The following SLC35F4 variants were observed in gnomAD, a reference collection of about 807,000 sequenced individuals.
The protein encoded by SLC35F4 is chromosome 14 open reading frame 36.
A neutral mutation model predicts 44.2 loss-of-function variants in SLC35F4; 24 were observed. The ratio of observed to expected loss-of-function variants is 0.54; its 90% confidence interval spans 0.39 to 0.76. The LOEUF (loss-of-function observed/expected upper bound fraction) is 0.76, where lower values mean the gene tolerates loss of function less well. SLC35F4 is among the 30% of genes least tolerant of loss of function. The pLI, the probability that SLC35F4 is intolerant of heterozygous loss-of-function variation, is 0.00. For synonymous variants in SLC35F4, 238 were observed against 223.6 expected, an observed-to-expected ratio of 1.06 and a Z score of -0.57; for missense variants, 562 against 586.1, an observed-to-expected ratio of 0.96 and a Z score of 0.42.
chr14:57,792,778 A>T (rs1249743749), intron 1 of SLC35F4, among the ~76,000 whole-genome samples: 3 of 152,084 alleles, frequency 2.0e-5, no homozygotes, highest in African/African-American at 7.2e-5. Context: ...CTCAAGGGGA[A>T]AGGTGGGAGG....
chr14:57,773,747 A>T (rs1005461322), intron 1 of SLC35F4, among the ~76,000 whole-genome samples: 1 of 152,206 alleles, frequency 6.6e-6, no homozygotes, highest in Non-Finnish European at 1.5e-5. Context: ...GCAATTGCCC[A>T]GGTACTTCAG....
chr14:57,728,786 C>A (rs2076276546), intron 1 of SLC35F4, among the ~76,000 whole-genome samples: 1 of 152,080 alleles, frequency 6.6e-6, no homozygotes, highest in African/African-American at 2.4e-5. Flanking sequence ...TCTTATTGTT[C>A]ATCTACATCC....
chr14:57,564,001 T>G lies in SLC35F4; in HGVS notation c.*134A>C. On this transcript the variant is annotated 3_prime_UTR_variant, in exon 8 of 8. Transcript: ENST00000556826. Reference sequence around the variant, plus strand: ...TTGATAAGCATATAAATGTAAACTTTTATTGTTGGCATTATTTCACATATG... The same window carrying G: ...TTGATAAGCATATAAATGTAAACTTGTATTGTTGGCATTATTTCACATATG... 1 of 974,668 alleles carries G rather than the reference T, an allele frequency of 1.0e-6. No homozygotes were observed. Among genetic ancestry groups the G allele is most frequent in the Non-Finnish European group, 1.5e-6 (1 of 679,062 alleles). The allele number at this position is 974,668 out of a possible 1,614,324, so 60.4% of individuals were successfully genotyped here.
At chr14:57,932,310 C>A (rs1889712636) in intron 1 of SLC35F4, among the ~76,000 whole-genome samples, 1 of 152,062 alleles carries the variant, frequency 6.6e-6, no homozygotes, top group Non-Finnish European at 1.5e-5. Context: ...ATTGTAATTT[C>A]TGGATAAACC....
intron 1 of SLC35F4, among the ~76,000 whole-genome samples, chr14:57,947,496 T>G (rs867267243): frequency 1.4e-4 from 22 of 152,178 alleles, no homozygotes; most frequent in African/African-American, 5.3e-4. Context: ...TTTGACTTCC[T>G]TTTTACCAAT....
chr14:57,793,109 T>C (rs1019051650), intron 1 of SLC35F4, among the ~76,000 whole-genome samples: 1 of 152,114 alleles, frequency 6.6e-6, no homozygotes, highest in African/African-American at 2.4e-5. Flanking sequence ...AACCTCGTCT[T>C]ATCACAAAAC....
At chr14:57,690,328 T>C (rs931235520) in intron 1 of SLC35F4, among the ~76,000 whole-genome samples, 2 of 152,142 alleles carry the variant, frequency 1.3e-5, no homozygotes, top group Non-Finnish European at 2.9e-5. Flanking sequence ...GAGAGATAGT[T>C]AATAAATAAG....
rs187353733 is a variant in SLC35F4, at chr14:57,815,787, C to A, written c.103+49936G>T. ...TGACTAGCCGAGAAGACCAGTGTTA[C>A]CAACCTTGCCAGCAATAACTTTTCT... On this transcript the variant is annotated intron_variant, in intron 1 of 7. Coordinates refer to ENST00000556826, the MANE Select transcript of SLC35F4 (RefSeq NM_001306087.2). 2.1e-3 allele frequency among the ~76,000 whole-genome samples: 325 copies of A among 152,240 alleles called. 1 individual carries two copies. The highest frequency in any genetic ancestry group is 7.1e-3 in the African/African-American group (293 of 41,550).
chr14:57,607,448 C>T (rs1340860682), intron 1 of SLC35F4, among the ~76,000 whole-genome samples: 1 of 152,188 alleles, frequency 6.6e-6, no homozygotes, highest in Non-Finnish European at 1.5e-5. Context: ...AGTTTGTTTT[C>T]ACAATTGTTA....
At chr14:57,918,657 G>T (rs141078719) in intron 1 of SLC35F4, among the ~76,000 whole-genome samples, 190 of 152,296 alleles carry the variant, frequency 1.2e-3, no homozygotes, top group African/African-American at 4.4e-3. Context: ...TTTGCAGAAC[G>T]AGGAAGGGAT....
intron 1 of SLC35F4, among the ~76,000 whole-genome samples, chr14:57,801,699 C>G (rs967765805): frequency 6.6e-6 from 1 of 152,060 alleles, no homozygotes; most frequent in African/African-American, 2.4e-5. Flanking sequence ...TCTGACAAAA[C>G]AGACATTAAA....
At chr14:57,930,799 T>C (rs1047626158) in intron 1 of SLC35F4, among the ~76,000 whole-genome samples, 3 of 152,190 alleles carry the variant, frequency 2.0e-5, no homozygotes, top group Admixed American at 2.0e-4. Flanking sequence ...GAGAAATATT[T>C]AGAGGTAGCT....
chr14:57,633,220 A>C (rs1382349005), intron 1 of SLC35F4, among the ~76,000 whole-genome samples: 1 of 152,122 alleles, frequency 6.6e-6, no homozygotes, highest in Non-Finnish European at 1.5e-5. Context: ...TTGCAGACAT[A>C]AGTTTTCAAC....
intron 1 of SLC35F4, among the ~76,000 whole-genome samples, chr14:57,884,596 A>AT (rs1888608838): frequency 6.6e-6 from 1 of 152,214 alleles, no homozygotes; most frequent in Non-Finnish European, 1.5e-5. Flanking sequence ...TACACACCTC[A>AT]TGCCAATGTA....
chr14:57,896,209 G>A (rs1339510112), intron 1 of SLC35F4, among the ~76,000 whole-genome samples: 1 of 152,060 alleles, frequency 6.6e-6, no homozygotes, highest in Non-Finnish European at 1.5e-5. Flanking sequence ...AGTAATTTAG[G>A]CAAGAAACAA....
At chr14:57,841,503 A>C (rs1204806478) in intron 1 of SLC35F4, among the ~76,000 whole-genome samples, 1 of 152,204 alleles carries the variant, frequency 6.6e-6, no homozygotes, top group Non-Finnish European at 1.5e-5. Context: ...GAATTTGGTT[A>C]AATGGAAACA....
intron 1 of SLC35F4, among the ~76,000 whole-genome samples, chr14:57,820,964 C>A (rs951020872): frequency 3.3e-5 from 5 of 152,214 alleles, no homozygotes; most frequent in African/African-American, 9.6e-5. Flanking sequence ...AACACCTATT[C>A]TTTACTGTGA....
At chr14:57,831,354 G>T (rs558133942) in intron 1 of SLC35F4, among the ~76,000 whole-genome samples, 1 of 152,180 alleles carries the variant, frequency 6.6e-6, no homozygotes, top group African/African-American at 2.4e-5. Context: ...AGAACTGTGA[G>T]AAATAAATGT....
chr14:57,647,910 C>A (rs79603175), intron 1 of SLC35F4, among the ~76,000 whole-genome samples: 25 of 152,138 alleles, frequency 1.6e-4, no homozygotes, highest in East Asian at 5.8e-4. Context: ...TACCCTGATC[C>A]TTCCTCTTAT....
Sources: allele counts gnomAD v4.1 joint callset (sites outside exome capture counted in the v4.1 genomes callset), GRCh38; gene constraint gnomAD v4.1.1; transcripts MANE v1.5; gene names NCBI Gene and HGNC (gene_info 2026-07-23, HGNC 2026-07-21).